Variants in CEMIP observed in about 807,000 individuals in gnomAD.
CEMIP encodes the protein cell migration-inducing and hyaluronan-binding protein.
In CEMIP, 105 loss-of-function variants were observed where a neutral mutation model predicts 156.9. The ratio of observed to expected loss-of-function variants is 0.67; its 90% CI spans 0.57 to 0.79. The LOEUF (loss-of-function observed/expected upper bound fraction) is 0.79, where lower values mean the gene tolerates loss of function less well. Among genes scored for constraint, CEMIP ranks in the 30% least tolerant of loss-of-function variants. The pLI, the probability that CEMIP is intolerant of heterozygous loss-of-function variation, is 0.00. For missense variants in CEMIP, 1,457 were observed against 1,769.4 expected (o/e 0.82, Z 3.17); for synonymous variants, 676 against 668.4 (o/e 1.01, Z -0.17).
In CEMIP at chr15:80,823,292, A is replaced by G. The variant is rs375420130; in HGVS notation, c.-176+43678A>G. 6.6e-5 allele frequency among the ~76,000 whole-genome samples: 10 copies of G among 152,298 alleles called. 2 individuals are homozygous for G. The highest frequency in any genetic ancestry group is 2.4e-5 in the African/African-American group (1 of 41,572). ...AACACAAGTCGTTCCGTTGATGGCA[A>G]CTAGCTTCAGACACAGTTGGAGTCC... On this transcript the variant is annotated intron_variant, in intron 1 of 29. Coordinates refer to ENST00000394685, the MANE Select transcript of CEMIP (RefSeq NM_001293298.2).
intron 1 of CEMIP, among the ~76,000 whole-genome samples, chr15:80,867,499 T>C (rs1898161800): frequency 6.6e-6 from 1 of 152,228 alleles, no homozygotes; most frequent in African/African-American, 2.4e-5. Context: ...TGCAGCATCC[T>C]GGGATGCCCT....
intron 1 of CEMIP, among the ~76,000 whole-genome samples, chr15:80,868,802 A>G (rs1291135413): frequency 1.3e-5 from 2 of 152,192 alleles, no homozygotes; most frequent in East Asian, 3.8e-4. Flanking sequence ...CAATATATGA[A>G]AAGTGCATAA....
intron 13 of CEMIP, among the ~76,000 whole-genome samples, chr15:80,908,835 G>A (rs1899917405): frequency 6.6e-6 from 1 of 152,192 alleles, no homozygotes; most frequent in Non-Finnish European, 1.5e-5. Flanking sequence ...CCCAGCTATA[G>A]CATAGCTCTT....
intron 7 of CEMIP, among the ~76,000 whole-genome samples, chr15:80,885,023 A>G (rs1412769833): frequency 6.6e-6 from 1 of 152,170 alleles, no homozygotes; most frequent in Non-Finnish European, 1.5e-5. Context: ...TCACCCCGGT[A>G]TTAAGCCCAG....
chr15:80,812,743 T>C (rs1425699665), intron 1 of CEMIP, among the ~76,000 whole-genome samples: 1 of 151,958 alleles, frequency 6.6e-6, no homozygotes, highest in Non-Finnish European at 1.5e-5. Flanking sequence ...CATGAAGTCA[T>C]GTTTTTTTAA....
chr15:80,925,503 T>G (rs2141933379), intron 18 of CEMIP, 121 bp from the exon 19 acceptor site: 1 of 1,361,940 alleles, frequency 7.3e-7, no homozygotes, highest in East Asian at 2.5e-5. Context: ...AATGGGTTTC[T>G]GTTCAGTCAA....
At chr15:80,801,150 C>T (rs1896365712) in intron 1 of CEMIP, among the ~76,000 whole-genome samples, 1 of 152,228 alleles carries the variant, frequency 6.6e-6, no homozygotes, top group Non-Finnish European at 1.5e-5. Flanking sequence ...TCCCTCTCTC[C>T]TTCTCCAATG....
chr15:80,864,754 G>T (rs1053192474), intron 1 of CEMIP, among the ~76,000 whole-genome samples: 9 of 152,186 alleles, frequency 5.9e-5, no homozygotes, highest in Admixed American at 3.3e-4. Flanking sequence ...CTTAACTGAT[G>T]GCTGACAAGT....
At chr15:80,903,211 C>G (rs1269876430) in intron 12 of CEMIP, 1 of 152,236 alleles carries the variant, frequency 6.6e-6, no homozygotes, top group Non-Finnish European at 1.5e-5. Flanking sequence ...TGGATGCTGG[C>G]AAGTTGAGAG....
At chr15:80,891,073 C>T (rs1899018740) in intron 10 of CEMIP, among the ~76,000 whole-genome samples, 1 of 152,190 alleles carries the variant, frequency 6.6e-6, no homozygotes, top group South Asian at 2.1e-4. Context: ...TCTGAAATAG[C>T]CATAATCTTA....
At chr15:80,921,139 G>T in intron 16 of CEMIP, 38 bp downstream of exon 16, 1 of 1,584,618 alleles carries the variant, frequency 6.3e-7, no homozygotes. Flanking sequence ...GAAAGTGAGG[G>T]TGGGGGCTGG....
intron 14 of CEMIP, among the ~76,000 whole-genome samples, chr15:80,918,922 TC>T: frequency 6.6e-6 from 1 of 152,076 alleles, no homozygotes; most frequent in South Asian, 2.1e-4. Context: ...AGAAGGGGCT[TC>T]AGAGATCATG....
intron 1 of CEMIP, among the ~76,000 whole-genome samples, chr15:80,850,952 G>A (rs1371098609): frequency 1.3e-5 from 2 of 152,256 alleles, no homozygotes; most frequent in Non-Finnish European, 2.9e-5. Context: ...AGGGAACAGG[G>A]CAGCTGATGG....
chr15:80,945,227 T>C (rs1219900948), intron 28 of CEMIP, among the ~76,000 whole-genome samples: 1 of 152,132 alleles, frequency 6.6e-6, no homozygotes, highest in African/African-American at 2.4e-5. Flanking sequence ...GCCATGAGGA[T>C]GGCACACCAG....
At chr15:80,887,623 TC>T in intron 7 of CEMIP, 70 bp from the exon 8 acceptor site, 2 of 1,209,000 alleles carry the variant, frequency 1.7e-6, no homozygotes, top group South Asian at 1.2e-5. Flanking sequence ...CTCTGCCCCA[TC>T]CCCCCACACT....
chr15:80,925,278 A>T (rs546950469), intron 18 of CEMIP, among the ~76,000 whole-genome samples: 2 of 152,332 alleles, frequency 1.3e-5, no homozygotes, highest in South Asian at 4.1e-4. Context: ...CCTGCCAGTT[A>T]GTGGAAGAGC....
chr15:80,856,732 G>A (rs2141753900), intron 1 of CEMIP, among the ~76,000 whole-genome samples: 1 of 152,258 alleles, frequency 6.6e-6, no homozygotes, highest in African/African-American at 2.4e-5. Flanking sequence ...AGAATACTGA[G>A]GCCCAGGGAA....
chr15:80,821,401 G>T (rs762241065), intron 1 of CEMIP, among the ~76,000 whole-genome samples: 1 of 152,224 alleles, frequency 6.6e-6, no homozygotes, highest in African/African-American at 2.4e-5. Flanking sequence ...AAGCGTTTAG[G>T]CAGGAGAAAG....
chr15:80,841,430 T>C (rs903224254), intron 1 of CEMIP, among the ~76,000 whole-genome samples: 2 of 152,162 alleles, frequency 1.3e-5, no homozygotes, highest in Admixed American at 1.3e-4. Context: ...GGGATCATCC[T>C]TTCCCTGCTC....
Sources: gnomAD v4.1 joint callset for allele counts (sites outside exome capture counted in the v4.1 genomes callset) on GRCh38, gnomAD v4.1.1 for gene constraint, MANE v1.5 for transcripts, NCBI Gene and HGNC (gene_info 2026-07-23, HGNC 2026-07-21) for gene names.